Variants in LCT observed in about 807,000 individuals in gnomAD.
LCT encodes lactase/phlorizin hydrolase.
LCT carries 90 observed loss-of-function variants against 173.0 expected under a neutral mutation model. The ratio of observed to expected loss-of-function variants is 0.52; its 90% CI spans 0.44 to 0.62. The LOEUF (loss-of-function observed/expected upper bound fraction) is 0.62. Among genes scored for constraint, LCT ranks in the 20% least tolerant of loss-of-function variants. LCT has a pLI of 0.00. For missense variants in LCT, 1,864 were observed against 2,431.4 expected, an observed-to-expected ratio of 0.77 and a Z score of 4.91; for synonymous variants, 853 against 957.6, an observed-to-expected ratio of 0.89 and a Z score of 2.02.
At chr2:135,801,633 C>G (rs1308415568) in intron 11 of LCT, among the ~76,000 whole-genome samples, 1 of 151,412 alleles carries the variant, frequency 6.6e-6, no homozygotes, top group African/African-American at 2.4e-5. Flanking sequence ...GAGAATCACT[C>G]GAATCCAGGA....
Position 135,833,166 on chromosome 2 carries a change from C to G in LCT, c.665G>C (p.Arg222Pro). The change falls in exon 2 of 17, where the codon CGA becomes CCA. Residue 222 changes from arginine to proline, a missense_variant. By Grantham distance (103) the Arg-to-Pro change is moderately radical. This residue lies in a region of LCT where 412 missense variants were observed against 462.0 expected (regional missense o/e 0.89). Transcript: ENST00000264162. Reference sequence around the variant, plus strand: ...CAGGAGCTCCGGGATATCTTCAGCTCGCAGGACAACAGAGAGTTTTCCGCC... The same window carrying G: ...CAGGAGCTCCGGGATATCTTCAGCTGGCAGGACAACAGAGAGTTTTCCGCC... ...FQGGKLSVVLRAEDIPELLLE... is the reference protein window; with the variant it reads ...FQGGKLSVVLPAEDIPELLLE... 6.2e-7 allele frequency: 1 copy of G among 1,613,918 alleles called. No homozygotes were observed. Among genetic ancestry groups the G allele is most frequent in the Non-Finnish European group, 8.5e-7 (1 of 1,179,966 alleles).
intron 3 of LCT, among the ~76,000 whole-genome samples, chr2:135,828,021 CTTTTAT>C (rs1174082401): frequency 2.0e-5 from 3 of 151,942 alleles, no homozygotes; most frequent in South Asian, 4.2e-4. Context: ...TGAGCTTGGC[CTTTTAT>C]TTTTATTTTT....
In LCT at chr2:135,788,564, G is replaced by A. The variant is rs779656922; in HGVS notation, c.5564-20C>T. ...CAGCATCTAGGAGAGTGTGACACAGGGTGGTTGGTGCTCTGGCGCTGATTT... is the reference window on the plus strand; with the variant it reads ...CAGCATCTAGGAGAGTGTGACACAGAGTGGTTGGTGCTCTGGCGCTGATTT... On this transcript the variant is annotated intron_variant, in intron 16 of 16. Coordinates refer to ENST00000264162, the MANE Select transcript of LCT (RefSeq NM_002299.4). 1.2e-5 allele frequency: 18 copies of A among 1,492,258 alleles called. No homozygotes were observed. The highest frequency in any genetic ancestry group is 2.3e-4 in the Middle Eastern group (1 of 4,324). The allele number at this position is 1,492,258 out of a possible 1,614,324, so 92.4% of individuals were successfully genotyped here.
rs1195019246 is a variant in LCT, at chr2:135,794,292, A to G, written c.5111+349T>C. The G allele has an allele frequency of 7.5e-5, 17 of 225,826 alleles. No homozygotes were observed. The Admixed American group carries it at 7.7e-4, about 10-fold the overall frequency. 14.0% of individuals were successfully genotyped at this position (225,826 alleles called of 1,614,324 possible). A position where few individuals can be genotyped will look rare whatever the true frequency, so the allele number is the denominator to read the frequency against. ...TAATATTAAAGCGAATTTTGATAAA[A>G]CCTAAACAATTTTTTTCTTGAAAAT... On this transcript the variant is annotated intron_variant, in intron 14 of 16. Coordinates refer to ENST00000264162, the MANE Select transcript of LCT (RefSeq NM_002299.4).
In LCT at chr2:135,836,603, C is replaced by G. The variant is rs529734483; in HGVS notation, c.567G>C (p.Ala189=). ...CATCACTGAGGGTCTGGAGTTGTGA[C>G]GCTCTTGATTCCTGGTGGGGAAGCT... ...IKELPHQESR[A]SQLQTLSDAH... The change falls in exon 1 of 17, where the codon GCG becomes GCC. Residue 189 remains alanine, a synonymous_variant. Transcript: ENST00000264162. The G allele has an allele frequency of 7.4e-6, 12 of 1,613,902 alleles. 1 individual carries two copies. In the South Asian group the frequency reaches 1.3e-4, roughly 18 times the overall value.
intron 3 of LCT, among the ~76,000 whole-genome samples, chr2:135,826,739 T>G (rs934768995): frequency 6.6e-6 from 1 of 152,118 alleles, no homozygotes; most frequent in Non-Finnish European, 1.5e-5. Context: ...AGCTCTGGTT[T>G]AATTCCATGA....
At chr2:135,810,303 T>TTTATTTCAATAAAAAACTA (rs1463843810) in intron 7 of LCT, 2 of 254,322 alleles carry the variant, frequency 7.9e-6, no homozygotes, top group African/African-American at 4.5e-5. Context: ...AATAAAATAG[T>TTTATTTCAATAAAAAACTA]TTTTATTGAA....
intron 6 of LCT, among the ~76,000 whole-genome samples, chr2:135,815,451 C>G (rs2077771161): frequency 6.6e-6 from 1 of 152,148 alleles, no homozygotes; most frequent in Middle Eastern, 3.2e-3. Context: ...TCCATATGTG[C>G]AGTCACTTGC....
chr2:135,823,954 T>A lies in LCT; in HGVS notation c.854A>T (p.Asp285Val). Residue 285 changes from aspartate (D) to valine (V), a missense_variant, in exon 4 of 17, where the codon GAC (aspartate) becomes GTC (valine). By Grantham distance (152) the Asp-to-Val change is radical. Around this residue, in one of 4 missense-constraint regions of LCT, gnomAD observed 412 missense variants for 462.0 expected, o/e 0.89. Coordinates refer to ENST00000264162, the MANE Select transcript of LCT (RefSeq NM_002299.4). ...TGGGTTCTTCATGGTGGAGGGGCAG[T>A]CTGGGAGTTTTAGGTTGAAGATGAA... ...KVFIFNLKLP[D>V]CPSTMKNPAS... 1 of 1,614,076 alleles carries A rather than the reference T, an allele frequency of 6.2e-7. No homozygotes were observed. Among genetic ancestry groups the A allele is most frequent in the Non-Finnish European group, 8.5e-7 (1 of 1,179,970 alleles).
chr2:135,836,851 C>T lies in LCT; in HGVS notation c.319G>A (p.Glu107Lys), dbSNP rs761296720. ...CGCCGGTAGCACTGCACTGTTTTCT[C>T]GTCTGGATTCTGGGTGCTTCCTGCT... ...LPAGSTQNPD[E>K]KTVQCYRRLL... Residue 107 changes from glutamate to lysine, a missense_variant, in exon 1 of 17, where the codon GAG becomes AAG. Around this residue, in one of 4 missense-constraint regions of LCT, gnomAD observed 412 missense variants for 462.0 expected, o/e 0.89. Coordinates refer to ENST00000264162, the MANE Select transcript of LCT (RefSeq NM_002299.4). 5.6e-6 allele frequency: 9 copies of T among 1,614,038 alleles called. No individual in the cohort carries two copies. The highest frequency in any genetic ancestry group is 1.1e-5 in the South Asian group (1 of 91,086).
At chr2:135,810,040 T>A in intron 7 of LCT, 47 bp from the exon 8 acceptor site, 1 of 1,328,320 alleles carries the variant, frequency 7.5e-7, no homozygotes, top group Non-Finnish European at 1.1e-6. Flanking sequence ...TGGATTTATT[T>A]AATTGAGATG....
At chr2:135,816,798 A>C (rs1440240766) in intron 6 of LCT, among the ~76,000 whole-genome samples, 1 of 152,142 alleles carries the variant, frequency 6.6e-6, no homozygotes, top group East Asian at 1.9e-4. Context: ...CATCAGTGCT[A>C]TTCTGAGTAT....
At chr2:135,796,178 C>G (rs2077580279) in intron 13 of LCT, among the ~76,000 whole-genome samples, 1 of 152,218 alleles carries the variant, frequency 6.6e-6, no homozygotes. Context: ...TGCGCATGCC[C>G]ACAGGGAGAC....
intron 1 of LCT, 36 bp from the exon 2 acceptor site, chr2:135,833,226 G>C (rs749723854): frequency 9.5e-6 from 14 of 1,474,016 alleles, no homozygotes; most frequent in Middle Eastern, 1.7e-4. Context: ...GCAGGTGAGC[G>C]AGGGCAGGAG....
Position 135,804,935 on chromosome 2 carries a change from A to T in LCT, c.4296T>A (p.Ile1432=), listed in dbSNP as rs2077657661. The T allele has an allele frequency of 1.2e-6, 2 of 1,614,112 alleles. No individual in the cohort carries two copies. The highest frequency in any genetic ancestry group is 4.5e-5 in the East Asian group (2 of 44,890). Residue 1432 remains isoleucine, a synonymous_variant, in exon 10 of 17, where the codon ATT becomes ATA. Transcript: ENST00000264162. The part of the protein sequence containing the change: ...GDVACDSYHK[I]AEDLVTLQNL... ...TCTGCAGGGTGACCAGATCCTCAGC[A>T]ATCTTGTGATAACTGTCACAGGCCA...
chr2:135,809,288 T>C lies in LCT; in HGVS notation c.3059A>G (p.His1020Arg). The change falls in exon 8 of 17, where the codon CAT becomes CGT. Residue 1020 changes from histidine (H) to arginine (R), a missense_variant. Coordinates refer to ENST00000264162, the MANE Select transcript of LCT (RefSeq NM_002299.4). The surrounding 1 kb of genome is among the most constrained non-coding windows in gnomAD (Gnocchi z 5.5). ...SNIFPMVTLF[H>R]WDLPQALQDI... is the part of the protein sequence containing the mutation. ...CTGGAGGGCCTGGGGCAGGTCCCAATGGAACAATGTCACCATGGGAAAGAT... is the reference window on the plus strand; with the variant it reads ...CTGGAGGGCCTGGGGCAGGTCCCAACGGAACAATGTCACCATGGGAAAGAT... The C allele has an allele frequency of 6.2e-7, 1 of 1,614,148 alleles. No homozygotes were observed. Among genetic ancestry groups the C allele is most frequent in the Non-Finnish European group, 8.5e-7 (1 of 1,179,966 alleles).
Position 135,809,361 on chromosome 2 carries a change from C to T in LCT, c.2986G>A (p.Gly996Arg), listed in dbSNP as rs1344637529. ...ATCAGCCTGTTGTAATAATCAACCC[C>T]ATGACTGTTGATAGAGCTGTTTCTC... ...TGRNSSINSH[G>R]VDYYNRLING... Residue 996 changes from glycine to arginine, a missense_variant, in exon 8 of 17, where the codon GGG (glycine) becomes AGG (arginine). By Grantham distance (125) the Gly-to-Arg change is moderately radical. This residue lies in a region of LCT where 755 missense variants were observed against 926.3 expected (regional missense o/e 0.82). Transcript: ENST00000264162. This position sits in a 1 kb window ranked among gnomAD's most constrained non-coding sequence, Gnocchi z 5.5. The T allele has an allele frequency of 6.2e-7, 1 of 1,614,172 alleles. No individual in the cohort carries two copies. The highest frequency in any genetic ancestry group is 1.7e-5 in the Admixed American group (1 of 60,020).
At chr2:135,831,378 CAG>C (rs1431083195) in intron 2 of LCT, among the ~76,000 whole-genome samples, 1 of 138,568 alleles carries the variant, frequency 7.2e-6, no homozygotes, top group African/African-American at 2.8e-5. Context: ...GAGGTGAGGC[CAG>C]AGAGAGACAG....
At chr2:135,822,888 A>G (rs2077847808) in intron 4 of LCT, 1 of 152,574 alleles carries the variant, frequency 6.6e-6, no homozygotes, top group East Asian at 1.9e-4. Context: ...GTGGGACTGG[A>G]TTAGTTACCA....
Sources: gnomAD v4.1 joint callset for allele counts (sites outside exome capture counted in the v4.1 genomes callset) on GRCh38, gnomAD v4.1.1 for gene constraint, gnomAD v4.1.1 regional missense constraint, Gnocchi (gnomAD v3.1) non-coding constraint, MANE v1.5 for transcripts, NCBI Gene and HGNC (gene_info 2026-07-23, HGNC 2026-07-21) for gene names.